DOCK8: variants seen among roughly 807,000 people sequenced by gnomAD.
DOCK8 encodes dedicator of cytokinesis protein 8.
DOCK8 carries 141 observed loss-of-function variants against 245.6 expected under a neutral mutation model. The observed-to-expected ratio is 0.57, with a 90% CI of 0.50 to 0.66. The LOEUF is 0.66. DOCK8 is among the 30% of genes least tolerant of loss of function. The probability of loss-of-function intolerance (pLI) is 0.00; values close to 1 mark genes in which losing one functional copy is unlikely to be tolerated. For missense variants in DOCK8, 2,965 were observed against 2,603.4 expected, an observed-to-expected ratio of 1.14 and a Z score of -3.02; for synonymous variants, 1,168 against 970.2, an observed-to-expected ratio of 1.20 and a Z score of -3.79.
At chr9:275,732 G>T (rs765515824) in intron 2 of DOCK8, among the ~76,000 whole-genome samples, 2 of 151,956 alleles carry the variant, frequency 1.3e-5, no homozygotes, top group South Asian at 4.1e-4. Flanking sequence ...AGGAATACAG[G>T]CGTGCACCAC....
At chr9:255,171 C>T (rs2047738310) in intron 1 of DOCK8, among the ~76,000 whole-genome samples, 2 of 152,152 alleles carry the variant, frequency 1.3e-5, no homozygotes, top group African/African-American at 4.8e-5. Context: ...GAAAGGTTTT[C>T]ATATATGTGC....
rs1462396701 is a variant in DOCK8 at position 414,920 on chromosome 9, G to C, written c.3669G>C (p.Leu1223Phe). The C allele has an allele frequency of 1.2e-6, 2 of 1,613,982 alleles. No homozygotes were observed. The highest frequency in any genetic ancestry group is 1.7e-6 in the Non-Finnish European group (2 of 1,180,024). Residue 1223 changes from leucine to phenylalanine, a missense_variant, in exon 29 of 48, where the codon TTG becomes TTC. Physicochemically the swap from Leu to Phe is conservative, Grantham distance 22. Transcript: ENST00000432829. The stretch of plus-strand genomic sequence containing the variant: ...ACCTACCTTTAGTTGGCATCATTTT[G>C]GATGCTTTGCCACAGCTCTGTGACT... ...ALYLPLVGII[L>F]DALPQLCDFT... is the part of the protein sequence containing the mutation.
intron 4 of DOCK8, among the ~76,000 whole-genome samples, chr9:293,522 C>A (rs1316905019): frequency 6.6e-6 from 1 of 152,186 alleles, no homozygotes; most frequent in Non-Finnish European, 1.5e-5. Flanking sequence ...CATAGATAAG[C>A]CACTATTATG....
At chr9:444,400 A>G (rs1350184328) in intron 43 of DOCK8, among the ~76,000 whole-genome samples, 2 of 151,392 alleles carry the variant, frequency 1.3e-5, no homozygotes, top group African/African-American at 4.8e-5. Flanking sequence ...AGATTAAATA[A>G]TTCACTACAA....
At chr9:277,457 G>GAGAGAAGAGAAGAGA (rs143194665) in intron 2 of DOCK8, among the ~76,000 whole-genome samples, 5,497 of 129,588 alleles carry the variant, frequency 0.042, 670 homozygotes, top group African/African-American at 0.13. Context: ...AGAAGAGAAA[G>GAGAGAAGAGAAGAGA]AGAGAAGAGA....
chr9:254,031 G>C (rs2047712466), intron 1 of DOCK8, among the ~76,000 whole-genome samples: 1 of 152,214 alleles, frequency 6.6e-6, no homozygotes, highest in African/African-American at 2.4e-5. Context: ...AAAAAGTAAA[G>C]CATTTTTAGG....
intron 22 of DOCK8, among the ~76,000 whole-genome samples, chr9:383,700 CA>C (rs1164310899): frequency 0.081 from 5,641 of 69,580 alleles, 129 homozygotes; most frequent in African/African-American, 0.28. Flanking sequence ...GACTCCGTCT[CA>C]AAAAAAAAAA....
intron 28 of DOCK8, among the ~76,000 whole-genome samples, chr9:408,331 G>A (rs998879195): frequency 4.6e-5 from 7 of 152,176 alleles, no homozygotes; most frequent in South Asian, 2.1e-4. Context: ...CTATGTCTGC[G>A]TCTCCTGGCA....
chr9:407,110 A>G (rs573177654), intron 28 of DOCK8, 41 bp downstream of exon 28: 1 of 1,613,764 alleles, frequency 6.2e-7, no homozygotes, highest in African/African-American at 1.3e-5. Flanking sequence ...AAGCCAAAAA[A>G]ACAGATGTTC....
chr9:263,247 G>A (rs1047942962), intron 1 of DOCK8, among the ~76,000 whole-genome samples: 1 of 150,822 alleles, frequency 6.6e-6, no homozygotes, highest in Non-Finnish European at 1.5e-5. Flanking sequence ...GGGTATAAAT[G>A]TTCAATCCTA....
rs983172991 is a variant in DOCK8, at chr9:418,779, T to A, written c.3840+572T>A. On this transcript the variant is annotated intron_variant, in intron 30 of 47. Transcript: ENST00000432829. ...CAAGAAACCGGAAAAGAGGAAAACT[T>A]GGGAAATCTGAAATCCTTGCAAAGG... 3.3e-5 allele frequency among the ~76,000 whole-genome samples: 5 copies of A among 152,154 alleles called. No homozygotes were observed. The South Asian group carries it at 1.0e-3, about 32-fold the overall frequency.
At chr9:269,725 T>A (rs187765276) in intron 1 of DOCK8, among the ~76,000 whole-genome samples, 1 of 151,814 alleles carries the variant, frequency 6.6e-6, no homozygotes, top group East Asian at 1.9e-4. Flanking sequence ...CTGGCTAATT[T>A]TTTTGTATTT....
intron 7 of DOCK8, among the ~76,000 whole-genome samples, chr9:317,975 CAAA>C (rs33920445): frequency 2.0e-5 from 3 of 149,612 alleles, no homozygotes; most frequent in African/African-American, 7.4e-5. Context: ...ACTATGATAG[CAAA>C]AAAAAAAAAT....
chr9:333,550 G>A (rs942014504), intron 10 of DOCK8, among the ~76,000 whole-genome samples: 6 of 151,230 alleles, frequency 4.0e-5, no homozygotes, highest in South Asian at 4.2e-4. Flanking sequence ...GCAGTGAGCC[G>A]AGATCGTGCC....
At position 215,040 on chromosome 9, in the gene DOCK8, C is replaced by A; in HGVS notation, c.53+11C>A. ...GCTCAAGATCAACAGGTAAGACGCC[C>A]CCCGCGGCGCGCAGGTTGCGGCCGG... On this transcript the variant is annotated intron_variant, in intron 1 of 47. Transcript: ENST00000432829. 1 of 1,572,472 alleles carries A rather than the reference C, an allele frequency of 6.4e-7. No homozygotes were observed. The highest frequency in any genetic ancestry group is 2.3e-5 in the East Asian group (1 of 42,560).
intron 1 of DOCK8, among the ~76,000 whole-genome samples, chr9:271,245 A>G (rs2048158055): frequency 6.6e-6 from 1 of 152,218 alleles, no homozygotes; most frequent in African/African-American, 2.4e-5. Flanking sequence ...CTGGATCAAA[A>G]TGGCAGCTCA....
At chr9:371,640 C>A in intron 17 of DOCK8, 74 bp downstream of exon 17, 23 of 1,588,588 alleles carry the variant, frequency 1.4e-5, no homozygotes, top group Non-Finnish European at 1.8e-5. Flanking sequence ...GATAAACAAC[C>A]AAATTCTATT....
rs768776794 is a variant in DOCK8, at chr9:434,775, G to T, written c.4887-8G>T. 1.2e-6 allele frequency: 2 copies of T among 1,613,914 alleles called. No individual in the cohort carries two copies. Among genetic ancestry groups the T allele is most frequent in the South Asian group, 2.2e-5 (2 of 91,080 alleles). Reference sequence around the variant, plus strand: ...CTCAAAACTACTTCTCACTCAATCTGTCTTCAGAATTGCCAAGAGTTACCA... The same window carrying T: ...CTCAAAACTACTTCTCACTCAATCTTTCTTCAGAATTGCCAAGAGTTACCA... On this transcript the variant is annotated splice_polypyrimidine_tract_variant and splice_region_variant and intron_variant, in intron 38 of 47. Transcript: ENST00000432829.
intron 2 of DOCK8, among the ~76,000 whole-genome samples, chr9:279,756 A>G (rs974764286): frequency 2.6e-5 from 4 of 152,130 alleles, no homozygotes; most frequent in African/African-American, 9.7e-5. Context: ...TGTGAGGACC[A>G]CTCTCCAAAA....
Sources: gnomAD v4.1 joint callset for allele counts (sites outside exome capture counted in the v4.1 genomes callset) on GRCh38, gnomAD v4.1.1 for gene constraint, MANE v1.5 for transcripts, NCBI Gene and HGNC (gene_info 2026-07-23, HGNC 2026-07-21) for gene names.